The following MAGI2 variants were observed in gnomAD, a reference collection of about 807,000 sequenced individuals.
The protein encoded by MAGI2 is membrane associated guanylate kinase, WW and PDZ domain containing 2.
In MAGI2, 35 loss-of-function variants were observed where a neutral mutation model predicts 133.3. That is an observed-to-expected ratio of 0.26 (90% CI 0.20 to 0.35). The LOEUF (loss-of-function observed/expected upper bound fraction) is 0.35. Ranked by LOEUF, MAGI2 falls within the 10% of genes least tolerant of loss-of-function variation. The probability of loss-of-function intolerance (pLI) is 1.00; values close to 1 mark genes in which losing one functional copy is unlikely to be tolerated. For missense variants in MAGI2, 1,636 were observed against 1,863.4 expected (o/e 0.88, Z 2.25); for synonymous variants, 729 against 710.6 (o/e 1.03, Z -0.41).
At chr7:79,295,347 A>C (rs1038489777) in intron 1 of MAGI2, among the ~76,000 whole-genome samples, 1 of 152,156 alleles carries the variant, frequency 6.6e-6, no homozygotes, top group African/African-American at 2.4e-5. Flanking sequence ...TATGGTACTT[A>C]AGTACAAAAT....
At position 78,804,530 on chromosome 7, in the gene MAGI2, T is replaced by C. The variant is rs533663878; in HGVS notation, c.419-177291A>G. On this transcript the variant is annotated intron_variant, in intron 2 of 21. Transcript: ENST00000354212. ...TTGGGAGGCCGAGGCAGGCGGATCA[T>C]GACGTCAGGAAATCGAGACCCTCCT... Among the ~76,000 whole-genome samples, 4 of 133,620 alleles carry C rather than the reference T, an allele frequency of 3.0e-5. No individual in the cohort carries two copies. The South Asian group carries it at 1.0e-3, about 34-fold the overall frequency. 87.7% of individuals were successfully genotyped at this position (133,620 alleles called of 152,430 possible).
chr7:78,520,853 A>G (rs1485731673), intron 4 of MAGI2, among the ~76,000 whole-genome samples: 1 of 152,172 alleles, frequency 6.6e-6, no homozygotes, highest in Non-Finnish European at 1.5e-5. Flanking sequence ...CACATTGTTA[A>G]TGTATAAAGA....
intron 1 of MAGI2, among the ~76,000 whole-genome samples, chr7:79,061,863 A>G (rs1277055822): frequency 6.6e-6 from 1 of 152,102 alleles, no homozygotes; most frequent in Non-Finnish European, 1.5e-5. Context: ...AAGGCTTTGC[A>G]GTTCAAATAC....
intron 1 of MAGI2, among the ~76,000 whole-genome samples, chr7:79,369,938 A>G (rs1224606852): frequency 6.6e-6 from 1 of 152,116 alleles, no homozygotes; most frequent in African/African-American, 2.4e-5. Flanking sequence ...TAAATTTAGT[A>G]TGTCATACCT....
At chr7:79,126,090 T>C (rs932949001) in intron 1 of MAGI2, among the ~76,000 whole-genome samples, 2 of 152,250 alleles carry the variant, frequency 1.3e-5, no homozygotes, top group African/African-American at 2.4e-5. Context: ...GTTTTGTTTT[T>C]TCCTTTTTGC....
chr7:79,238,482 T>C (rs1278747588), intron 1 of MAGI2, among the ~76,000 whole-genome samples: 1 of 152,176 alleles, frequency 6.6e-6, no homozygotes, highest in Non-Finnish European at 1.5e-5. Context: ...GCAGGACATA[T>C]ACGTCAAGAA....
intron 2 of MAGI2, among the ~76,000 whole-genome samples, chr7:78,647,967 AG>A (rs971630423): frequency 2.0e-4 from 30 of 152,236 alleles, no homozygotes; most frequent in African/African-American, 7.2e-4. Flanking sequence ...GGACACAGGC[AG>A]GGGAACATTA....
intron 21 of MAGI2, among the ~76,000 whole-genome samples, chr7:78,046,904 T>C (rs1034839405): frequency 1.1e-4 from 16 of 152,262 alleles, no homozygotes; most frequent in African/African-American, 3.6e-4. Context: ...TGAAAACATA[T>C]ATGGACTGAA....
At chr7:79,044,353 C>T (rs1354429414) in intron 1 of MAGI2, among the ~76,000 whole-genome samples, 3 of 152,084 alleles carry the variant, frequency 2.0e-5, no homozygotes, top group Non-Finnish European at 4.4e-5. Flanking sequence ...CTCAATAGAT[C>T]CAGAAATGGC....
At chr7:78,740,166 A>AC (rs1342920651) in intron 2 of MAGI2, among the ~76,000 whole-genome samples, 1 of 151,776 alleles carries the variant, frequency 6.6e-6, no homozygotes, top group African/African-American at 2.4e-5. Flanking sequence ...GTCTAAAAAA[A>AC]AAAAAACAAA....
At chr7:78,508,901 T>C (rs1240389221) in intron 4 of MAGI2, among the ~76,000 whole-genome samples, 2 of 151,942 alleles carry the variant, frequency 1.3e-5, no homozygotes, top group Non-Finnish European at 1.5e-5. Flanking sequence ...TTTTTTTTTT[T>C]TTGAGACGGG....
chr7:79,436,436 T>C (rs1160306606), intron 1 of MAGI2, among the ~76,000 whole-genome samples: 2 of 151,874 alleles, frequency 1.3e-5, no homozygotes, highest in African/African-American at 4.8e-5. Flanking sequence ...TAGGAGAAAA[T>C]ATTTGCAAAC....
chr7:78,858,948 T>G (rs1443380730), intron 2 of MAGI2, among the ~76,000 whole-genome samples: 1 of 152,198 alleles, frequency 6.6e-6, no homozygotes, highest in Non-Finnish European at 1.5e-5. Context: ...ATATTTAGGA[T>G]AGTTAGCTCT....
In MAGI2 at chr7:78,817,422, GCATCA is replaced by G. The variant is rs553195489; in HGVS notation, c.418+189663_418+189667del. On this transcript the variant is annotated intron_variant, in intron 2 of 21. Coordinates refer to ENST00000354212, the MANE Select transcript of MAGI2 (RefSeq NM_012301.4). ...ACTGTGGGTAAAATGCAATCAAACA[GCATCA>G]CATGCTAGAGAGAAATCTGTTGTGA... 3.0e-4 allele frequency among the ~76,000 whole-genome samples: 45 copies of G among 152,312 alleles called. No individual in the cohort carries two copies. In the South Asian group the frequency reaches 9.1e-3, roughly 31 times the overall value.
chr7:78,381,443 G>A (rs1240218218), intron 6 of MAGI2, among the ~76,000 whole-genome samples: 1 of 152,090 alleles, frequency 6.6e-6, no homozygotes, highest in Non-Finnish European at 1.5e-5. Context: ...TCTGATTCAA[G>A]CTCGACAAAT....
At chr7:78,378,094 G>T (rs948123545) in intron 6 of MAGI2, among the ~76,000 whole-genome samples, 6 of 151,894 alleles carry the variant, frequency 4.0e-5, no homozygotes, top group Admixed American at 3.9e-4. Context: ...CAAAAATGAT[G>T]AAATAAAATT....
intron 5 of MAGI2, among the ~76,000 whole-genome samples, chr7:78,490,534 G>A (rs1256165811): frequency 1.3e-5 from 2 of 152,134 alleles, no homozygotes; most frequent in South Asian, 2.1e-4. Flanking sequence ...AATTTAAAAA[G>A]TAAAGGAGAG....
chr7:78,989,343 A>G (rs1463232906), intron 2 of MAGI2, among the ~76,000 whole-genome samples: 1 of 152,088 alleles, frequency 6.6e-6, no homozygotes, highest in Non-Finnish European at 1.5e-5. Context: ...ATACACCAGT[A>G]GGAAAAGTGC....
intron 3 of MAGI2, among the ~76,000 whole-genome samples, chr7:78,588,124 A>G (rs955754060): frequency 2.6e-5 from 4 of 152,198 alleles, no homozygotes; most frequent in Non-Finnish European, 5.9e-5. Flanking sequence ...GCTGAACAAC[A>G]TCGAGTGTCA....
Sources: gnomAD v4.1 joint callset for allele counts (sites outside exome capture counted in the v4.1 genomes callset) on GRCh38, gnomAD v4.1.1 for gene constraint, MANE v1.5 for transcripts, NCBI Gene and HGNC (gene_info 2026-07-23, HGNC 2026-07-21) for gene names.